The following MAGI1 variants were observed in gnomAD, a reference collection of about 807,000 sequenced individuals.
MAGI1 encodes the protein membrane associated guanylate kinase, WW and PDZ domain containing 1.
MAGI1 carries 58 observed loss-of-function variants against 139.9 expected under a neutral mutation model. That is an observed-to-expected ratio of 0.41 (90% CI 0.34 to 0.52). MAGI1 has a LOEUF of 0.52. MAGI1 is among the 20% of genes least tolerant of loss of function. The pLI, the probability that MAGI1 is intolerant of heterozygous loss-of-function variation, is 0.12. For synonymous variants in MAGI1, 812 were observed against 737.9 expected (o/e 1.10, Z -1.63); for missense variants, 1,874 against 1,901.6 (o/e 0.99, Z 0.27).
intron 1 of MAGI1, among the ~76,000 whole-genome samples, chr3:65,699,301 T>C (rs1193885464): frequency 1.4e-5 from 2 of 138,946 alleles, no homozygotes; most frequent in Non-Finnish European, 3.1e-5. Context: ...AGTTCAACCA[T>C]TGTGGAAGTC....
At chr3:65,904,841 G>T (rs2061374254) in intron 1 of MAGI1, among the ~76,000 whole-genome samples, 1 of 152,146 alleles carries the variant, frequency 6.6e-6, no homozygotes, top group Non-Finnish European at 1.5e-5. Context: ...ACATGGGGAG[G>T]GTGACCAGGC....
At chr3:65,359,494 A>G in intron 22 of MAGI1, 1 of 1,049,732 alleles carries the variant, frequency 9.5e-7, no homozygotes, top group Middle Eastern at 4.5e-4. Context: ...AACAATAAAC[A>G]ACAAAAGAAC....
intron 1 of MAGI1, among the ~76,000 whole-genome samples, chr3:65,962,314 G>C (rs2064479012): frequency 6.6e-6 from 1 of 151,132 alleles, no homozygotes; most frequent in South Asian, 2.1e-4. Context: ...GTAGAGACGG[G>C]GTTTCACCAT....
At chr3:65,965,391 C>T (rs2064690204) in intron 1 of MAGI1, among the ~76,000 whole-genome samples, 2 of 152,186 alleles carry the variant, frequency 1.3e-5, no homozygotes, top group Admixed American at 6.5e-5. Context: ...TAGGAATAGA[C>T]ATGCAGAACC....
intron 1 of MAGI1, among the ~76,000 whole-genome samples, chr3:65,697,146 C>T (rs943070095): frequency 3.0e-4 from 45 of 152,186 alleles, no homozygotes; most frequent in African/African-American, 1.1e-3. Flanking sequence ...AATTCCTCAA[C>T]ACATACACTC....
At chr3:65,826,475 G>C (rs1230029143) in intron 1 of MAGI1, among the ~76,000 whole-genome samples, 1 of 152,174 alleles carries the variant, frequency 6.6e-6, no homozygotes, top group Non-Finnish European at 1.5e-5. Flanking sequence ...GCTTTCATCT[G>C]CCTCTGGGCT....
intron 1 of MAGI1, among the ~76,000 whole-genome samples, chr3:65,686,936 A>G (rs546899847): frequency 2.0e-5 from 3 of 152,206 alleles, no homozygotes; most frequent in African/African-American, 4.8e-5. Context: ...GGTTTACGGT[A>G]GCCCATTCGA....
chr3:66,013,325 C>G (rs759679173), intron 1 of MAGI1, among the ~76,000 whole-genome samples: 29 of 151,564 alleles, frequency 1.9e-4, no homozygotes, highest in Non-Finnish European at 1.5e-5. Flanking sequence ...ATCACTTGTA[C>G]CCAGGTGGCA....
intron 13 of MAGI1, among the ~76,000 whole-genome samples, chr3:65,395,923 G>A (rs1307424888): frequency 3.9e-5 from 6 of 152,056 alleles, no homozygotes; most frequent in Non-Finnish European, 7.4e-5. Context: ...TGAATGCGGA[G>A]AGGCCAGTCA....
At chr3:65,506,599 A>T (rs1277509356) in intron 2 of MAGI1, among the ~76,000 whole-genome samples, 1 of 152,224 alleles carries the variant, frequency 6.6e-6, no homozygotes, top group Non-Finnish European at 1.5e-5. Context: ...ATAAGAAATC[A>T]CAAAGTCAAC....
At chr3:65,365,854 T>G (rs925291009) in intron 18 of MAGI1, among the ~76,000 whole-genome samples, 1 of 152,222 alleles carries the variant, frequency 6.6e-6, no homozygotes, top group East Asian at 1.9e-4. Context: ...TGGGAAAATA[T>G]GTTAACTATT....
chr3:65,402,790 G>C (rs1008460967), intron 12 of MAGI1, among the ~76,000 whole-genome samples: 1 of 152,148 alleles, frequency 6.6e-6, no homozygotes, highest in African/African-American at 2.4e-5. Context: ...AGTGAGGCAT[G>C]ATGAGGATTA....
intron 1 of MAGI1, among the ~76,000 whole-genome samples, chr3:65,705,869 G>T (rs778705978): frequency 6.6e-6 from 1 of 152,186 alleles, no homozygotes; most frequent in Non-Finnish European, 1.5e-5. Context: ...TGGAGTGTTA[G>T]CATTAATGTT....
chr3:65,859,119 G>A (rs974306547), intron 1 of MAGI1, among the ~76,000 whole-genome samples: 10 of 152,110 alleles, frequency 6.6e-5, no homozygotes, highest in African/African-American at 1.4e-4. Context: ...GATCACTTGC[G>A]GTCAGGAGTT....
chr3:65,881,419 G>A (rs1013284213), intron 1 of MAGI1, among the ~76,000 whole-genome samples: 1 of 152,160 alleles, frequency 6.6e-6, no homozygotes, highest in East Asian at 1.9e-4. Context: ...TCGAGGCCAG[G>A]AGTCCAAGAC....
At chr3:65,971,687 G>A (rs1418150231) in intron 1 of MAGI1, among the ~76,000 whole-genome samples, 1 of 152,166 alleles carries the variant, frequency 6.6e-6, no homozygotes, top group Non-Finnish European at 1.5e-5. Flanking sequence ...GCAGACTCGG[G>A]CACATCATCA....
At chr3:65,505,855 T>A (rs1378532805) in intron 2 of MAGI1, among the ~76,000 whole-genome samples, 1 of 152,092 alleles carries the variant, frequency 6.6e-6, no homozygotes, top group African/African-American at 2.4e-5. Flanking sequence ...ACTCTTACAC[T>A]GCAGAGATGT....
intron 1 of MAGI1, among the ~76,000 whole-genome samples, chr3:65,768,608 G>A (rs779906294): frequency 9.9e-5 from 15 of 152,132 alleles, no homozygotes; most frequent in Non-Finnish European, 2.2e-4. Flanking sequence ...AATCACTCCT[G>A]CAAGGCTCAC....
chr3:65,949,592 G>C (rs914862362), intron 1 of MAGI1, among the ~76,000 whole-genome samples: 2 of 152,166 alleles, frequency 1.3e-5, no homozygotes, highest in African/African-American at 4.8e-5. Flanking sequence ...ATGCCTCCAA[G>C]TTTCTAAGGC....
Sources: gnomAD v4.1 joint callset for allele counts (sites outside exome capture counted in the v4.1 genomes callset) on GRCh38, gnomAD v4.1.1 for gene constraint, MANE v1.5 for transcripts, NCBI Gene and HGNC (gene_info 2026-07-23, HGNC 2026-07-21) for gene names.